Variants in GSG1L observed in about 807,000 individuals in gnomAD.
The protein encoded by GSG1L is GSG1 like, also known as germ cell-specific gene 1-like protein.
Under a neutral mutation model 42.1 loss-of-function variants are expected in GSG1L, and 24 were observed. The observed-to-expected ratio is 0.57, with a 90% CI of 0.41 to 0.80. The LOEUF is 0.80. GSG1L is among the 30% of genes least tolerant of loss of function. The probability of loss-of-function intolerance (pLI) is 0.00; values close to 1 mark genes in which losing one functional copy is unlikely to be tolerated. For synonymous variants in GSG1L, 215 were observed against 203.5 expected, an observed-to-expected ratio of 1.06 and a Z score of -0.48; for missense variants, 445 against 472.2, an observed-to-expected ratio of 0.94 and a Z score of 0.53.
chr16:27,825,201 C>T (rs2140962219), intron 5 of GSG1L, among the ~76,000 whole-genome samples: 1 of 152,266 alleles, frequency 6.6e-6, no homozygotes, highest in East Asian at 1.9e-4. Context: ...AGACAAGAGT[C>T]TAGTCAATCA....
At chr16:28,018,276 A>C (rs1158980997) in intron 1 of GSG1L, among the ~76,000 whole-genome samples, 3 of 152,210 alleles carry the variant, frequency 2.0e-5, no homozygotes, top group African/African-American at 7.2e-5. Flanking sequence ...AGAAGACTGG[A>C]AGTAGGTAGC....
intron 2 of GSG1L, among the ~76,000 whole-genome samples, chr16:27,888,454 T>C (rs12930103): frequency 0.15 from 5,941 of 40,570 alleles, 536 homozygotes; most frequent in Non-Finnish European, 0.17. Flanking sequence ...CTTTCTTTCT[T>C]TCTTTCTTTC....
chr16:27,826,384 C>T (rs901129491), intron 5 of GSG1L, among the ~76,000 whole-genome samples: 2 of 152,212 alleles, frequency 1.3e-5, no homozygotes, highest in African/African-American at 2.4e-5. Flanking sequence ...CCTCCTGTCC[C>T]CTTCCTCGTC....
intron 2 of GSG1L, among the ~76,000 whole-genome samples, 197 bp downstream of exon 2, chr16:27,962,959 C>T (rs1006870949): frequency 7.2e-5 from 11 of 152,130 alleles, no homozygotes; most frequent in Admixed American, 6.5e-4. Flanking sequence ...GCAGACAGTC[C>T]CCATCCACCA....
chr16:27,836,991 C>T (rs571991237), intron 4 of GSG1L, among the ~76,000 whole-genome samples: 3 of 152,190 alleles, frequency 2.0e-5, no homozygotes, highest in East Asian at 3.9e-4. Flanking sequence ...GTGGCTTTGG[C>T]GAGGTGGAGG....
At chr16:27,965,685 T>C (rs996779985) in intron 1 of GSG1L, among the ~76,000 whole-genome samples, 1 of 152,210 alleles carries the variant, frequency 6.6e-6, no homozygotes, top group African/African-American at 2.4e-5. Flanking sequence ...TTCGTGGCTC[T>C]AGCTTCCCAA....
intron 1 of GSG1L, among the ~76,000 whole-genome samples, chr16:28,004,272 C>T (rs2085612451): frequency 6.6e-6 from 1 of 152,186 alleles, no homozygotes; most frequent in Non-Finnish European, 1.5e-5. Flanking sequence ...TCCAGGGATG[C>T]TGGCATCTGG....
chr16:28,011,949 G>A (rs76490037), intron 1 of GSG1L, among the ~76,000 whole-genome samples: 6,076 of 152,142 alleles, frequency 0.04, 388 homozygotes, highest in African/African-American at 0.14. Flanking sequence ...GCCAGCAGCC[G>A]TCAGCTTGCA....
At chr16:28,007,476 G>GTGTT (rs1567553473) in intron 1 of GSG1L, among the ~76,000 whole-genome samples, 99 of 119,500 alleles carry the variant, frequency 8.3e-4, no homozygotes, top group Middle Eastern at 7.4e-3. Context: ...GCATGTGTGT[G>GTGTT]TGGTTGGTTG....
intron 3 of GSG1L, among the ~76,000 whole-genome samples, chr16:27,867,388 C>T (rs1216860031): frequency 2.0e-5 from 3 of 152,316 alleles, no homozygotes; most frequent in African/African-American, 7.2e-5. Flanking sequence ...AGTAAAGGAC[C>T]TGGCACATTG....
chr16:27,848,923 C>A (rs911802927), intron 3 of GSG1L, among the ~76,000 whole-genome samples: 1 of 151,962 alleles, frequency 6.6e-6, no homozygotes, highest in East Asian at 1.9e-4. Flanking sequence ...GGGCCTGGTG[C>A]GGTGGCTCAC....
intron 3 of GSG1L, among the ~76,000 whole-genome samples, chr16:27,862,757 G>A (rs1200368556): frequency 1.4e-4 from 21 of 152,162 alleles, no homozygotes; most frequent in Non-Finnish European, 8.8e-5. Context: ...CAGCCTGGCT[G>A]CAGCCAGTTT....
chr16:27,870,873 C>A (rs554253637), intron 3 of GSG1L, among the ~76,000 whole-genome samples: 1 of 151,414 alleles, frequency 6.6e-6, no homozygotes, highest in Non-Finnish European at 1.5e-5. Flanking sequence ...CTCCTTGTGG[C>A]CAGACACCTG....
intron 6 of GSG1L, among the ~76,000 whole-genome samples, chr16:27,794,883 G>T (rs2082801018): frequency 6.6e-6 from 1 of 152,018 alleles, no homozygotes; most frequent in Non-Finnish European, 1.5e-5. Flanking sequence ...TTGACTCCCT[G>T]ATTTTTTCAA....
At chr16:27,959,927 T>C (rs1177710588) in intron 2 of GSG1L, among the ~76,000 whole-genome samples, 2 of 152,158 alleles carry the variant, frequency 1.3e-5, no homozygotes, top group African/African-American at 2.4e-5. Context: ...ACATTTCCCA[T>C]GTAAAACACA....
chr16:27,990,922 A>T (rs551187834), intron 1 of GSG1L, among the ~76,000 whole-genome samples: 17 of 148,006 alleles, frequency 1.1e-4, no homozygotes, highest in South Asian at 4.2e-4. Context: ...AGTATAATTT[A>T]AAAAAAAAAG....
intron 6 of GSG1L, among the ~76,000 whole-genome samples, chr16:27,806,525 C>G (rs1300159785): frequency 6.6e-6 from 1 of 152,128 alleles, no homozygotes; most frequent in African/African-American, 2.4e-5. Flanking sequence ...GAGGGGAGAG[C>G]CACTAAACCT....
In GSG1L at chr16:27,952,017, C is replaced by T. The variant is rs190655276; in HGVS notation, c.397+11139G>A. Among the ~76,000 whole-genome samples, 3 of 152,256 alleles carry T rather than the reference C, an allele frequency of 2.0e-5. No homozygotes were observed. In the East Asian group the frequency reaches 5.8e-4, roughly 29 times the overall value. ...CACAAAAATTGCTGGCTGGTGGCTG[C>T]CAGAAATCCCAGGGCACCAAGAAAC... is the stretch of plus-strand genomic sequence containing the variant. On this transcript the variant is annotated intron_variant, in intron 2 of 6. Coordinates refer to ENST00000447459, the MANE Select transcript of GSG1L (RefSeq NM_001109763.2).
At chr16:27,985,502 G>A (rs565222176) in intron 1 of GSG1L, among the ~76,000 whole-genome samples, 103 of 152,196 alleles carry the variant, frequency 6.8e-4, no homozygotes, top group African/African-American at 2.3e-3. Context: ...GATGCTTTCC[G>A]CTCAGCCTGC....
Sources: gnomAD v4.1 joint callset for allele counts (sites outside exome capture counted in the v4.1 genomes callset) on GRCh38, gnomAD v4.1.1 for gene constraint, MANE v1.5 for transcripts, NCBI Gene and HGNC (gene_info 2026-07-23, HGNC 2026-07-21) for gene names.